Variants in PRKN observed in about 807,000 individuals in gnomAD.
The protein encoded by PRKN is parkin RBR E3 ubiquitin protein ligase.
Under a neutral mutation model 59.5 loss-of-function variants are expected in PRKN, and 56 were observed. The ratio of observed to expected loss-of-function variants is 0.94; its 90% CI spans 0.76 to 1.18. The LOEUF (loss-of-function observed/expected upper bound fraction) is 1.18, where lower values mean the gene tolerates loss of function less well. Among genes scored for constraint, PRKN ranks in the 50% most tolerant of loss-of-function variants. PRKN has a pLI of 0.00. For missense variants in PRKN, 657 were observed against 596.4 expected, an observed-to-expected ratio of 1.10 and a Z score of -1.06; for synonymous variants, 250 against 222.1, an observed-to-expected ratio of 1.13 and a Z score of -1.12.
At chr6:161,973,676 AC>A (rs1432645413) in intron 5 of PRKN, among the ~76,000 whole-genome samples, 1 of 152,118 alleles carries the variant, frequency 6.6e-6, no homozygotes, top group Non-Finnish European at 1.5e-5. Flanking sequence ...ATACGCTGTG[AC>A]CTTCTTTAAG....
intron 7 of PRKN, among the ~76,000 whole-genome samples, chr6:161,686,296 T>C (rs1433561366): frequency 2.0e-5 from 3 of 152,000 alleles, no homozygotes; most frequent in Non-Finnish European, 4.4e-5. Flanking sequence ...TTCATAGCTC[T>C]CCAGGTGATG....
chr6:162,600,047 T>A (rs538075078), intron 1 of PRKN, among the ~76,000 whole-genome samples: 63 of 152,184 alleles, frequency 4.1e-4, no homozygotes, highest in African/African-American at 1.5e-3. Flanking sequence ...AGCCTAATAA[T>A]CTTTTATACA....
chr6:162,093,439 G>A (rs1779593967), intron 4 of PRKN, among the ~76,000 whole-genome samples: 2 of 151,754 alleles, frequency 1.3e-5, no homozygotes, highest in South Asian at 4.2e-4. Context: ...TGTATTACTG[G>A]TAATAGAGGC....
At chr6:161,849,274 A>G (rs1286774841) in intron 6 of PRKN, among the ~76,000 whole-genome samples, 3 of 152,064 alleles carry the variant, frequency 2.0e-5, no homozygotes, top group Non-Finnish European at 4.4e-5. Flanking sequence ...CACAGGTGCC[A>G]TGGTTTTGTT....
At chr6:161,585,829 C>T (rs1781503465) in intron 7 of PRKN, among the ~76,000 whole-genome samples, 1 of 152,154 alleles carries the variant, frequency 6.6e-6, no homozygotes, top group African/African-American at 2.4e-5. Flanking sequence ...CAGCAGAAGA[C>T]AACCCAGCCA....
At chr6:162,314,756 T>C (rs1782673763) in intron 2 of PRKN, among the ~76,000 whole-genome samples, 1 of 152,158 alleles carries the variant, frequency 6.6e-6, no homozygotes, top group Non-Finnish European at 1.5e-5. Context: ...TTTAGAGCTT[T>C]GCACTATTCC....
chr6:161,700,986 A>G (rs1786228504), intron 7 of PRKN, among the ~76,000 whole-genome samples: 1 of 152,236 alleles, frequency 6.6e-6, no homozygotes, highest in South Asian at 2.1e-4. Context: ...TAGATATAGC[A>G]TATCTAAGAA....
intron 6 of PRKN, among the ~76,000 whole-genome samples, chr6:161,903,279 G>C (rs574938769): frequency 6.6e-6 from 1 of 152,258 alleles, no homozygotes; most frequent in East Asian, 1.9e-4. Flanking sequence ...AGCTGGCCCA[G>C]ATGGGTGTAT....
intron 2 of PRKN, among the ~76,000 whole-genome samples, chr6:162,355,692 G>C (rs1258327276): frequency 6.7e-6 from 1 of 150,360 alleles, no homozygotes; most frequent in Non-Finnish European, 1.5e-5. Flanking sequence ...GACAAACTGG[G>C]TATTTCCTTT....
chr6:161,583,752 T>C (rs1037137712), intron 7 of PRKN, among the ~76,000 whole-genome samples: 8 of 152,182 alleles, frequency 5.3e-5, no homozygotes, highest in African/African-American at 1.9e-4. Context: ...TTCCACCTAA[T>C]AATAGGAATG....
At chr6:162,258,449 A>C (rs975578488) in intron 3 of PRKN, among the ~76,000 whole-genome samples, 1 of 152,204 alleles carries the variant, frequency 6.6e-6, no homozygotes, top group Admixed American at 6.5e-5. Flanking sequence ...CTCATTTAGG[A>C]AACACCAATA....
intron 3 of PRKN, among the ~76,000 whole-genome samples, chr6:162,244,584 G>T (rs565746790): frequency 6.6e-6 from 1 of 151,938 alleles, no homozygotes; most frequent in Non-Finnish European, 1.5e-5. Context: ...ATGCATTCAC[G>T]CCAAATGAAC....
At chr6:162,459,827 T>C (rs776077827) in intron 1 of PRKN, among the ~76,000 whole-genome samples, 1 of 152,222 alleles carries the variant, frequency 6.6e-6, no homozygotes, top group Non-Finnish European at 1.5e-5. Context: ...AACATTACTT[T>C]CAGAAGCTCT....
At chr6:162,586,616 C>T (rs1281727298) in intron 1 of PRKN, among the ~76,000 whole-genome samples, 1 of 152,144 alleles carries the variant, frequency 6.6e-6, no homozygotes, top group Non-Finnish European at 1.5e-5. Context: ...TGAAATCTAC[C>T]ACGAGGGGCT....
intron 7 of PRKN, among the ~76,000 whole-genome samples, chr6:161,674,731 T>A (rs1461771885): frequency 6.6e-6 from 1 of 152,156 alleles, no homozygotes; most frequent in Admixed American, 6.5e-5. Flanking sequence ...AAAAGATACA[T>A]CATATAATCT....
At chr6:162,494,421 G>A (rs1792965049) in intron 1 of PRKN, among the ~76,000 whole-genome samples, 1 of 152,208 alleles carries the variant, frequency 6.6e-6, no homozygotes, top group African/African-American at 2.4e-5. Context: ...TCCAGCATCA[G>A]GGTTGAGATT....
At chr6:161,913,107 C>T (rs1778427122) in intron 6 of PRKN, among the ~76,000 whole-genome samples, 1 of 144,194 alleles carries the variant, frequency 6.9e-6, no homozygotes. Flanking sequence ...GCGGAGGCTG[C>T]AGTGAGCTGA....
At chr6:161,433,507 T>A (rs1788744536) in intron 9 of PRKN, among the ~76,000 whole-genome samples, 1 of 152,180 alleles carries the variant, frequency 6.6e-6, no homozygotes, top group African/African-American at 2.4e-5. Flanking sequence ...CAGAAATATA[T>A]ACTGGATGAC....
At chr6:162,514,727 T>G (rs1777772117) in intron 1 of PRKN, among the ~76,000 whole-genome samples, 1 of 152,034 alleles carries the variant, frequency 6.6e-6, no homozygotes. Context: ...CCCAGGAGTA[T>G]GAGACCAGCC....
Sources: gnomAD v4.1 joint callset for allele counts (sites outside exome capture counted in the v4.1 genomes callset) on GRCh38, gnomAD v4.1.1 for gene constraint, MANE v1.5 for transcripts, NCBI Gene and HGNC (gene_info 2026-07-23, HGNC 2026-07-21) for gene names.